Variants in PDIA6 observed in about 807,000 individuals in gnomAD.
PDIA6 encodes the protein protein disulfide-isomerase A6.
A neutral mutation model predicts 58.4 loss-of-function variants in PDIA6; 29 were observed. The ratio of observed to expected loss-of-function variants is 0.50; its 90% CI spans 0.37 to 0.68. The LOEUF (loss-of-function observed/expected upper bound fraction) is 0.68, where lower values mean the gene tolerates loss of function less well. Ranked by LOEUF, PDIA6 falls within the 30% of genes least tolerant of loss-of-function variation. PDIA6 has a pLI of 0.00. For synonymous variants in PDIA6, 192 were observed against 202.6 expected (o/e 0.95, Z 0.44); for missense variants, 480 against 551.0 (o/e 0.87, Z 1.29).
At chr2:10,818,518 AT>A (rs1558460381) in intron 2 of PDIA6, among the ~76,000 whole-genome samples, 2 of 129,068 alleles carry the variant, frequency 1.5e-5, no homozygotes, top group African/African-American at 5.9e-5. Context: ...TTATTTATTT[AT>A]TTATTTATTT....
At chr2:10,834,401 TG>T (rs35733477), upstream of PDIA6, among the ~76,000 whole-genome samples, 1 of 152,088 alleles carries the variant, frequency 6.6e-6, no homozygotes, top group African/African-American at 2.4e-5. Flanking sequence ...CCTCCCTCCC[TG>T]GGGCTGGCCA....
intron 1 of PDIA6, among the ~76,000 whole-genome samples, chr2:10,826,020 G>T (rs139788998): frequency 6.6e-5 from 10 of 152,150 alleles, no homozygotes; most frequent in Admixed American, 6.5e-4. Context: ...ACACATACAG[G>T]TATGTTTTAG....
chr2:10,818,534 A>T (rs181324117), intron 2 of PDIA6, among the ~76,000 whole-genome samples: 26 of 81,058 alleles, frequency 3.2e-4, no homozygotes, highest in Non-Finnish European at 4.5e-4. Flanking sequence ...TTATTTATTT[A>T]TTTTGAGATG....
At chr2:10,830,123 C>T (rs1382161380) in intron 1 of PDIA6, among the ~76,000 whole-genome samples, 1 of 152,220 alleles carries the variant, frequency 6.6e-6, no homozygotes, top group Non-Finnish European at 1.5e-5. Flanking sequence ...AGGGGCCGCT[C>T]CTGCTCCACA....
chr2:10,788,022 T>C (rs1686512), intron 10 of PDIA6, among the ~76,000 whole-genome samples: 71,198 of 147,116 alleles, frequency 0.48, 18,702 homozygotes, highest in Middle Eastern at 0.58. Context: ...GCCGAGATTG[T>C]GCCACTGCAC....
chr2:10,784,022 T>C lies in PDIA6; in HGVS notation c.*236A>G, dbSNP rs954319651. 2.9e-6 allele frequency: 1 copy of C among 347,000 alleles called. No homozygotes were observed. Among genetic ancestry groups the C allele is most frequent in the Non-Finnish European group, 5.2e-6 (1 of 193,454 alleles). The allele number at this position is 347,000 out of a possible 1,614,324, so 21.5% of individuals were successfully genotyped here. Reference sequence around the variant, plus strand: ...CGACAGCCAAGTTTTCTTCAAAATATTATGTGACAGAATACGACTCAATTC... The same window carrying C: ...CGACAGCCAAGTTTTCTTCAAAATACTATGTGACAGAATACGACTCAATTC... On this transcript the variant is annotated 3_prime_UTR_variant, in exon 13 of 13. Transcript: ENST00000272227.
At position 10,784,000 on chromosome 2, in the gene PDIA6, C is replaced by A. The variant is rs1264283945; in HGVS notation, c.*258G>T. The A allele has an allele frequency of 6.6e-6, 2 of 304,324 alleles. No individual in the cohort carries two copies. Among genetic ancestry groups the A allele is most frequent in the African/African-American group, 4.3e-5 (2 of 46,276 alleles). 18.9% of individuals were successfully genotyped at this position (304,324 alleles called of 1,614,324 possible). A position where few individuals can be genotyped will look rare whatever the true frequency, so the allele number is the denominator to read the frequency against. On this transcript the variant is annotated 3_prime_UTR_variant, in exon 13 of 13. Transcript: ENST00000272227. ...GCAGTCAGAGAGAAAAATGTTTCGA[C>A]AGCCAAGTTTTCTTCAAAATATTAT...
Position 10,794,317 on chromosome 2 carries a change from A to T in PDIA6, c.347-1115T>A, listed in dbSNP as rs529911426. 1.0e-3 allele frequency among the ~76,000 whole-genome samples: 154 copies of T among 151,960 alleles called. 1 individual carries two copies. The highest frequency in any genetic ancestry group is 3.4e-3 in the African/African-American group (141 of 41,438). ...AAAAATTAGCTGGGCGTGGTGGTGG[A>T]CATCTATAATCCCAGCTACTCAGGA... On this transcript the variant is annotated intron_variant, in intron 4 of 12. Transcript: ENST00000272227.
chr2:10,786,859 A>G (rs961148912), intron 11 of PDIA6, among the ~76,000 whole-genome samples: 2 of 152,208 alleles, frequency 1.3e-5, no homozygotes, highest in Non-Finnish European at 2.9e-5. Context: ...AAGTACGCCC[A>G]TTTTCAAATA....
intron 2 of PDIA6, among the ~76,000 whole-genome samples, chr2:10,798,898 C>A (rs112915377): frequency 4.6e-4 from 70 of 152,246 alleles, no homozygotes; most frequent in Middle Eastern, 3.4e-3. Flanking sequence ...CTTTCTGGGT[C>A]CCGCAAATTG....
intron 2 of PDIA6, 126 bp downstream of exon 2, chr2:10,802,371 CTT>C: frequency 1.9e-6 from 1 of 518,566 alleles, no homozygotes. Context: ...CCATTTCCCT[CTT>C]CTCTACTTCT....
intron 1 of PDIA6, among the ~76,000 whole-genome samples, chr2:10,831,547 T>C (rs1200149790): frequency 6.6e-6 from 1 of 152,126 alleles, no homozygotes; most frequent in South Asian, 2.1e-4. Flanking sequence ...GTAGCCTGAA[T>C]GGGAGGTGTC....
intron 1 of PDIA6, among the ~76,000 whole-genome samples, chr2:10,809,691 C>A (rs151045854): frequency 8.6e-5 from 11 of 127,864 alleles, no homozygotes; most frequent in East Asian, 4.9e-4. Context: ...ATAGGATAAT[C>A]TTCTACAGAG....
At chr2:10,834,823 G>C (rs765798697), upstream of PDIA6, among the ~76,000 whole-genome samples, 5 of 149,238 alleles carry the variant, frequency 3.4e-5, no homozygotes, top group Admixed American at 1.4e-4. Context: ...ATGGAGTGCA[G>C]TGGTGTGATC....
chr2:10,789,866 C>G lies in PDIA6; in HGVS notation c.723G>C (p.Lys241Asn). ...RYGIRGFPTI[K>N]IFQKGESPVD... ...CAGGAGACTCGCCTTTCTGAAATATCTTGATTGTAGGAAATCCTCTAATCT... is the reference window on the plus strand; with the variant it reads ...CAGGAGACTCGCCTTTCTGAAATATGTTGATTGTAGGAAATCCTCTAATCT... Residue 241 changes from lysine to asparagine, a missense_variant, in exon 8 of 13, where the codon AAG becomes AAC. Transcript: ENST00000272227. The G allele has an allele frequency of 6.2e-7, 1 of 1,613,524 alleles. No individual in the cohort carries two copies. Among genetic ancestry groups the G allele is most frequent in the South Asian group, 1.1e-5 (1 of 91,052 alleles).
chr2:10,835,263 G>A (rs1200763840), upstream of PDIA6, among the ~76,000 whole-genome samples: 1 of 152,198 alleles, frequency 6.6e-6, no homozygotes, highest in African/African-American at 2.4e-5. Context: ...GGCCTGAGAT[G>A]GTGGAAAGGC....
At chr2:10,787,168 G>T in intron 11 of PDIA6, 113 bp downstream of exon 11, 1 of 879,780 alleles carries the variant, frequency 1.1e-6, no homozygotes. Context: ...GAATTAGTTT[G>T]CATTTTAAAT....
At chr2:10,816,522 C>CTTTTTTTTTTTTTTTTTT (rs772701227), upstream of PDIA6, among the ~76,000 whole-genome samples, 19 of 138,212 alleles carry the variant, frequency 1.4e-4, no homozygotes, top group African/African-American at 5.0e-4. Context: ...CCTTTTTGTG[C>CTTTTTTTTTTTTTTTTTT]TTTCTTTTTT....
upstream of PDIA6, among the ~76,000 whole-genome samples, chr2:10,834,517 C>T (rs369640718): frequency 1.3e-5 from 2 of 152,026 alleles, no homozygotes; most frequent in African/African-American, 2.4e-5. Context: ...GGTCCCTGAG[C>T]GCCTGGCAGG....
Sources: gnomAD v4.1 joint callset for allele counts (sites outside exome capture counted in the v4.1 genomes callset) on GRCh38, gnomAD v4.1.1 for gene constraint, MANE v1.5 for transcripts, NCBI Gene and HGNC (gene_info 2026-07-23, HGNC 2026-07-21) for gene names.